DGKH: variants seen among roughly 807,000 people sequenced by gnomAD.
DGKH encodes diacylglycerol kinase eta, also known as DAG kinase eta.
In DGKH, 90 loss-of-function variants were observed where a neutral mutation model predicts 159.3. That is an observed-to-expected ratio of 0.57 (90% CI 0.48 to 0.67). The LOEUF is 0.67. DGKH is among the 30% of genes least tolerant of loss of function. The probability of loss-of-function intolerance (pLI) is 0.00; values close to 1 mark genes in which losing one functional copy is unlikely to be tolerated. For missense variants in DGKH, 1,181 were observed against 1,506.1 expected, an observed-to-expected ratio of 0.78 and a Z score of 3.57; for synonymous variants, 536 against 553.8, an observed-to-expected ratio of 0.97 and a Z score of 0.45.
intron 3 of DGKH, among the ~76,000 whole-genome samples, chr13:42,134,187 T>C (rs1355783973): frequency 6.6e-6 from 1 of 152,208 alleles, no homozygotes; most frequent in Non-Finnish European, 1.5e-5. Context: ...AGGGCAGTGA[T>C]TGACCTAGCC....
At chr13:42,169,220 T>C (rs1329829352) in intron 11 of DGKH, among the ~76,000 whole-genome samples, 3 of 152,166 alleles carry the variant, frequency 2.0e-5, no homozygotes, top group South Asian at 2.1e-4. Flanking sequence ...AAAGAGGACA[T>C]ATAAACGTTA....
chr13:42,215,135 A>C lies in DGKH; in HGVS notation c.3121-440A>C, dbSNP rs542536121. 2.0e-5 allele frequency among the ~76,000 whole-genome samples: 3 copies of C among 151,704 alleles called. No homozygotes were observed. The South Asian group carries it at 6.2e-4, about 32-fold the overall frequency. On this transcript the variant is annotated intron_variant, in intron 25 of 29. Transcript: ENST00000337343. The stretch of plus-strand genomic sequence containing the variant: ...AAAATGTGCCACATGGTACAATGCT[A>C]TAGTATGGAGAAAACTGATAGCGTT...
At chr13:42,185,199 T>G (rs1169190699) in intron 13 of DGKH, among the ~76,000 whole-genome samples, 1 of 152,248 alleles carries the variant, frequency 6.6e-6, no homozygotes, top group African/African-American at 2.4e-5. Context: ...TTAGGTATAA[T>G]AAAAGGTTAC....
chr13:42,119,475 A>G (rs920096479), intron 1 of DGKH, among the ~76,000 whole-genome samples: 2 of 152,240 alleles, frequency 1.3e-5, no homozygotes, highest in East Asian at 3.8e-4. Flanking sequence ...GTGCTAGGCC[A>G]TAAGTCTTCA....
chr13:42,048,014 G>C (rs1223231891), upstream of DGKH, among the ~76,000 whole-genome samples: 1 of 151,266 alleles, frequency 6.6e-6, no homozygotes. The surrounding 1 kb of genome is among the most constrained non-coding windows in gnomAD (Gnocchi z 6.7). Flanking sequence ...TTCCGTGTGC[G>C]CCGGATGGGG....
In DGKH at chr13:42,127,577, A is replaced by T. The variant is rs766115476; in HGVS notation, c.303+4A>T. On this transcript the variant is annotated splice_donor_region_variant and intron_variant, in intron 2 of 29. Coordinates refer to ENST00000337343, the MANE Select transcript of DGKH (RefSeq NM_178009.5). ...TTACTATGCAAAGGACTCAAAGGTA[A>T]CTCACGAGAATACTAGTTTCAAGCA... The T allele has an allele frequency of 1.9e-6, 3 of 1,612,054 alleles. No homozygotes were observed. In the South Asian group the frequency reaches 3.3e-5, roughly 18 times the overall value.
intron 30 of DGKH, chr13:42,252,598 G>A (rs1022673351): frequency 2.0e-5 from 3 of 152,612 alleles, no homozygotes; most frequent in Admixed American, 6.5e-5. Context: ...GCAGGAAAGA[G>A]CCACAGAATA....
chr13:42,062,383 T>C (rs542862335), intron 1 of DGKH, among the ~76,000 whole-genome samples: 1 of 152,332 alleles, frequency 6.6e-6, no homozygotes, highest in East Asian at 1.9e-4. Flanking sequence ...GCTAGAGGAC[T>C]ATGAGATTAG....
intron 1 of DGKH, among the ~76,000 whole-genome samples, chr13:42,089,663 C>G (rs954605737): frequency 6.6e-6 from 1 of 152,180 alleles, no homozygotes. Flanking sequence ...GCTTCTCTGC[C>G]TTCTGCTGCC....
At chr13:42,142,367 T>C (rs1329790135) in intron 3 of DGKH, among the ~76,000 whole-genome samples, 2 of 151,884 alleles carry the variant, frequency 1.3e-5, no homozygotes, top group Non-Finnish European at 2.9e-5. Context: ...TGGGATTGAC[T>C]TGGCAATGCG....
chr13:42,225,787 G>T (rs1248930009), intron 29 of DGKH, among the ~76,000 whole-genome samples: 1 of 133,580 alleles, frequency 7.5e-6, no homozygotes, highest in Admixed American at 7.4e-5. Flanking sequence ...AAAAAAAAAA[G>T]AATATGATAA....
chr13:42,248,435 T>A (rs426675), intron 29 of DGKH, among the ~76,000 whole-genome samples: 32,723 of 145,494 alleles, frequency 0.22, 3,713 homozygotes, highest in South Asian at 0.28. Context: ...CAAAAAAATA[T>A]ATATATAATA....
chr13:42,162,139 C>A (rs1956198079), intron 7 of DGKH, among the ~76,000 whole-genome samples: 1 of 152,186 alleles, frequency 6.6e-6, no homozygotes, highest in African/African-American at 2.4e-5. Context: ...GAGCTACCAT[C>A]ACCTTATAGC....
At chr13:42,062,637 C>T (rs1344089010) in intron 1 of DGKH, among the ~76,000 whole-genome samples, 1 of 152,212 alleles carries the variant, frequency 6.6e-6, no homozygotes, top group Non-Finnish European at 1.5e-5. Context: ...GTTCCCCTCA[C>T]CTACATCCAC....
chr13:42,087,044 A>AACACACACACACACACACACACAC (rs71298957), intron 1 of DGKH, among the ~76,000 whole-genome samples: 3 of 140,088 alleles, frequency 2.1e-5, no homozygotes, highest in Admixed American at 7.1e-5. Flanking sequence ...CCAGAAGGAA[A>AACACACACACACACACACACACAC]ACACACACAC....
At chr13:42,076,413 C>G (rs1452770151) in intron 1 of DGKH, among the ~76,000 whole-genome samples, 2 of 152,156 alleles carry the variant, frequency 1.3e-5, no homozygotes, top group Non-Finnish European at 2.9e-5. Context: ...CGCAAACTTT[C>G]TGTACTGGCC....
intron 1 of DGKH, among the ~76,000 whole-genome samples, chr13:42,093,414 G>A (rs1594017022): frequency 6.6e-6 from 1 of 152,060 alleles, no homozygotes; most frequent in Admixed American, 6.6e-5. Flanking sequence ...CTGCACTGAC[G>A]TATAATTGTG....
chr13:42,143,194 TTA>T (rs944109344), intron 3 of DGKH, among the ~76,000 whole-genome samples: 1 of 152,214 alleles, frequency 6.6e-6, no homozygotes, highest in Non-Finnish European at 1.5e-5. Flanking sequence ...ATATGCTGGA[TTA>T]TGTTTATTGA....
Position 42,238,487 on chromosome 13 carries a change from T to C in DGKH, c.*9299T>C, listed in dbSNP as rs1164808880. On this transcript the variant is annotated 3_prime_UTR_variant, in exon 30 of 30. Coordinates refer to ENST00000337343, the MANE Select transcript of DGKH (RefSeq NM_178009.5). ...ATTTTATAGATGTGAATATATGTTT[T>C]TTAAAGTTAAGTCCTTCATATCTTT... The C allele has an allele frequency of 6.6e-6, 1 of 152,216 alleles. No individual in the cohort carries two copies. The highest frequency in any genetic ancestry group is 6.5e-5 in the Admixed American group (1 of 15,282). 9.4% of individuals were successfully genotyped at this position (152,216 alleles called of 1,614,324 possible).
Sources: gnomAD v4.1 joint callset for allele counts (sites outside exome capture counted in the v4.1 genomes callset) on GRCh38, gnomAD v4.1.1 for gene constraint, Gnocchi (gnomAD v3.1) non-coding constraint, MANE v1.5 for transcripts, NCBI Gene and HGNC (gene_info 2026-07-23, HGNC 2026-07-21) for gene names.